The following PXK variants were observed in gnomAD, a reference collection of about 807,000 sequenced individuals.
The protein encoded by PXK is PX domain-containing protein kinase-like protein.
Under a neutral mutation model 84.7 loss-of-function variants are expected in PXK, and 35 were observed. That is an observed-to-expected ratio of 0.41 (90% CI 0.32 to 0.55). PXK has a LOEUF of 0.55. PXK is among the 20% of genes least tolerant of loss of function. The pLI is 0.21. For synonymous variants in PXK, 253 were observed against 260.8 expected (o/e 0.97, Z 0.29); for missense variants, 634 against 699.7 (o/e 0.91, Z 1.06).
chr3:58,408,867 T>C (rs2059776954), intron 13 of PXK, 57 bp from the exon 14 acceptor site: 1 of 1,323,778 alleles, frequency 7.6e-7, no homozygotes, highest in Non-Finnish European at 1.1e-6. Flanking sequence ...ACTCCAGGAC[T>C]TGGAAGTATC....
intron 7 of PXK, among the ~76,000 whole-genome samples, chr3:58,393,926 A>G (rs2098656109): frequency 6.6e-6 from 1 of 152,164 alleles, no homozygotes; most frequent in Admixed American, 6.5e-5. Context: ...TTTTTATTCT[A>G]CCCATTGTGT....
At chr3:58,378,342 A>T (rs1269982378) in intron 3 of PXK, among the ~76,000 whole-genome samples, 2 of 151,898 alleles carry the variant, frequency 1.3e-5, no homozygotes. Context: ...CAGTAGATAA[A>T]TCCCAGGGCA....
intron 1 of PXK, among the ~76,000 whole-genome samples, chr3:58,346,706 G>A: frequency 6.6e-6 from 1 of 150,846 alleles, no homozygotes; most frequent in East Asian, 1.9e-4. Flanking sequence ...TCACCAAGCT[G>A]GAGTGCAGTA....
chr3:58,385,153 G>A lies in PXK; in HGVS notation c.388+2453G>A, dbSNP rs1300308609. ...CTCCCCACCCCCAGGCCTCCAGCATGGTAGAGAGTCAGGAGTCCAAAGCAG... is the reference window on the plus strand; with the variant it reads ...CTCCCCACCCCCAGGCCTCCAGCATAGTAGAGAGTCAGGAGTCCAAAGCAG... On this transcript the variant is annotated intron_variant, in intron 4 of 17. Coordinates refer to ENST00000356151, the MANE Select transcript of PXK (RefSeq NM_017771.5). This position sits in a 1 kb window ranked among gnomAD's most constrained non-coding sequence, Gnocchi z 5.1. 1.3e-5 allele frequency among the ~76,000 whole-genome samples: 2 copies of A among 152,128 alleles called. No homozygotes were observed. The highest frequency in any genetic ancestry group is 2.9e-5 in the Non-Finnish European group (2 of 68,012).
intron 17 of PXK, chr3:58,413,165 T>G: frequency 3.2e-6 from 2 of 628,054 alleles, no homozygotes; most frequent in African/African-American, 1.8e-5. Flanking sequence ...TCACAGGGAA[T>G]GGACCGGTTT....
rs34125797 is a variant in PXK at position 58,381,555 on chromosome 3, C to CAAA, written c.202-943_202-941dup. Among the ~76,000 whole-genome samples, 290 of 120,806 alleles carry CAAA rather than the reference C, an allele frequency of 2.4e-3. 3 individuals carry two copies. Among genetic ancestry groups the CAAA allele is most frequent in the Middle Eastern group, 0.013 (3 of 232 alleles). The allele number at this position is 120,806 out of a possible 152,430, so 79.3% of individuals were successfully genotyped here. On this transcript the variant is annotated intron_variant, in intron 3 of 17. Transcript: ENST00000356151. ...GAGACTTTCAAGTTGAATAGAAAAC[C>CAAA]AAAAAAAAAAAAAAAAAAGACTACA...
intron 1 of PXK, among the ~76,000 whole-genome samples, chr3:58,336,071 A>ATATATATATATATATTTTTT (rs1284780630): frequency 1.9e-5 from 1 of 51,582 alleles, no homozygotes; most frequent in Non-Finnish European, 3.3e-5. Flanking sequence ...ATATATATAT[A>ATATATATATATATATTTTTT]TTTTTTTTTT....
chr3:58,363,833 A>G (rs1576042497), intron 1 of PXK, among the ~76,000 whole-genome samples: 1 of 152,170 alleles, frequency 6.6e-6, no homozygotes, highest in East Asian at 1.9e-4. Flanking sequence ...TCTTAGGGGA[A>G]AATACTGAGT....
intron 3 of PXK, 83 bp downstream of exon 3, chr3:58,369,561 A>C: frequency 9.2e-7 from 1 of 1,088,698 alleles, no homozygotes; most frequent in Non-Finnish European, 1.4e-6. Context: ...ACGGTGGCTC[A>C]ACGCCTGTAA....
Position 58,351,395 on chromosome 3 carries a change from T to TTTTGTGTGTGTG in PXK, c.103-14478_103-14477insTTGTGTGTGTGT, listed in dbSNP as rs542281716. ...GGTGTGCGCCACCACAGCTAGCTAT[T>TTTTGTGTGTGTG]TGTGTGTGTGTGTGTGTGTGTGTGT... is the stretch of plus-strand genomic sequence containing the variant. On this transcript the variant is annotated intron_variant, in intron 1 of 17. Transcript: ENST00000356151. 1.1e-4 allele frequency among the ~76,000 whole-genome samples: 15 copies of TTTTGTGTGTGTG among 140,688 alleles called. No homozygotes were observed. In the East Asian group the frequency reaches 2.0e-3, roughly 19 times the overall value. 92.3% of individuals were successfully genotyped at this position (140,688 alleles called of 152,430 possible).
At chr3:58,349,803 C>T (rs752643538) in intron 1 of PXK, among the ~76,000 whole-genome samples, 8 of 152,142 alleles carry the variant, frequency 5.3e-5, no homozygotes, top group Non-Finnish European at 1.2e-4. Context: ...CTCAGTAGTC[C>T]CTTGTGCATA....
At chr3:58,344,827 TCAAAACAAAA>T (rs577904425) in intron 1 of PXK, among the ~76,000 whole-genome samples, 7 of 152,126 alleles carry the variant, frequency 4.6e-5, no homozygotes, top group African/African-American at 1.2e-4. Context: ...AAACTCCATC[TCAAAACAAAA>T]CAAAACAAAA....
At position 58,333,438 on chromosome 3, in the gene PXK, G is replaced by T. The variant is rs962458989; in HGVS notation, c.102+348G>T. 2.3e-6 allele frequency: 1 copy of T among 426,614 alleles called. No individual in the cohort carries two copies. The highest frequency in any genetic ancestry group is 1.7e-5 in the South Asian group (1 of 58,476). The allele number at this position is 426,614 out of a possible 1,614,324, so 26.4% of individuals were successfully genotyped here. ...GGACTAGGGGAGCAGGAACGAGACC[G>T]CTCAGGACCATCCACTTCTGCCCGC... On this transcript the variant is annotated intron_variant, in intron 1 of 17. Coordinates refer to ENST00000356151, the MANE Select transcript of PXK (RefSeq NM_017771.5). This position sits in a 1 kb window ranked among gnomAD's most constrained non-coding sequence, Gnocchi z 5.4.
intron 6 of PXK, 96 bp downstream of exon 6, chr3:58,391,316 TA>T: frequency 9.4e-7 from 1 of 1,064,546 alleles, no homozygotes; most frequent in East Asian, 2.4e-5. Flanking sequence ...ACTGTGCTCT[TA>T]AGTGATGATG....
At chr3:58,371,002 A>AAAAC (rs757970079) in intron 3 of PXK, among the ~76,000 whole-genome samples, 16 of 152,222 alleles carry the variant, frequency 1.1e-4, no homozygotes, top group Non-Finnish European at 1.9e-4. Flanking sequence ...TCTGTCTCAA[A>AAAAC]AAACAAACAA....
At chr3:58,346,081 G>A (rs1434479751) in intron 1 of PXK, among the ~76,000 whole-genome samples, 1 of 152,232 alleles carries the variant, frequency 6.6e-6, no homozygotes, top group African/African-American at 2.4e-5. Flanking sequence ...AAGCAAGACA[G>A]ACTTGGTTCC....
intron 3 of PXK, among the ~76,000 whole-genome samples, chr3:58,376,431 ATAAAAT>A (rs1454911100): frequency 6.6e-6 from 1 of 152,080 alleles, no homozygotes. Context: ...AAATAAATAA[ATAAAAT>A]TAATTAATTA....
rs778906868 is a variant in PXK, at chr3:58,399,384, C to A, written c.1181+7C>A. On this transcript the variant is annotated splice_region_variant and intron_variant, in intron 12 of 17. Transcript: ENST00000356151. The surrounding 1 kb of genome is among the most constrained non-coding windows in gnomAD (Gnocchi z 4.3). ...CCCGGCTCTTACAGATGCCGTAAGT[C>A]AATCATATGCGTTGGTTGTAATCTT... 6.2e-7 allele frequency: 1 copy of A among 1,606,826 alleles called. No individual in the cohort carries two copies. Among genetic ancestry groups the A allele is most frequent in the South Asian group, 1.1e-5 (1 of 90,860 alleles).
chr3:58,395,806 T>C, intron 9 of PXK, 47 bp downstream of exon 9: 1 of 1,486,984 alleles, frequency 6.7e-7, no homozygotes, highest in Non-Finnish European at 9.3e-7. Context: ...CATCCAAAAT[T>C]GCATTATTCA....
Sources: allele counts gnomAD v4.1 joint callset (sites outside exome capture counted in the v4.1 genomes callset), GRCh38; gene constraint gnomAD v4.1.1; non-coding constraint Gnocchi (gnomAD v3.1); transcripts MANE v1.5; gene names NCBI Gene and HGNC (gene_info 2026-07-23, HGNC 2026-07-21).